DCUN1D4: variants seen among roughly 807,000 people sequenced by gnomAD.
DCUN1D4 encodes defective in cullin neddylation 1 domain containing 4.
In DCUN1D4, 22 loss-of-function variants were observed where a neutral mutation model predicts 47.9. That is an observed-to-expected ratio of 0.46 (90% confidence interval 0.33 to 0.66). The LOEUF (loss-of-function observed/expected upper bound fraction) is 0.66, where lower values mean the gene tolerates loss of function less well. Among genes scored for constraint, DCUN1D4 ranks in the 30% least tolerant of loss-of-function variants. The pLI, the probability that DCUN1D4 is intolerant of heterozygous loss-of-function variation, is 0.02. For synonymous variants in DCUN1D4, 121 were observed against 112.2 expected (o/e 1.08, Z -0.50); for missense variants, 301 against 340.8 (o/e 0.88, Z 0.92).
At chr4:51,858,212 A>T (rs1724448197) in intron 1 of DCUN1D4, among the ~76,000 whole-genome samples, 1 of 152,192 alleles carries the variant, frequency 6.6e-6, no homozygotes, top group Non-Finnish European at 1.5e-5. Flanking sequence ...GGAGTGATCA[A>T]ATCAGACTAA....
Position 51,868,269 on chromosome 4 carries a change from C to T in DCUN1D4, c.136+4560C>T, listed in dbSNP as rs543800779. Among the ~76,000 whole-genome samples the T allele has an allele frequency of 3.3e-5, 5 of 152,296 alleles. No individual in the cohort carries two copies. In the East Asian group the frequency reaches 7.7e-4, roughly 24 times the overall value. On this transcript the variant is annotated intron_variant, in intron 3 of 10. Transcript: ENST00000334635. ...CCTGGAAGGGCGAGACTCCTGCCCC[C>T]ACAGCTCAGAATGGGGTGGGGCTCC...
At chr4:51,909,401 A>G (rs1465665635) in intron 8 of DCUN1D4, 1 of 179,174 alleles carries the variant, frequency 5.6e-6, no homozygotes, top group Non-Finnish European at 1.2e-5. Context: ...TATCTTGTGG[A>G]TTGCTTCATA....
At chr4:51,864,980 C>T (rs1560468634) in intron 3 of DCUN1D4, 1 of 159,834 alleles carries the variant, frequency 6.3e-6, no homozygotes, top group Admixed American at 6.4e-5. Context: ...TTCTTTCAGA[C>T]TTTTTTTTCA....
At chr4:51,876,629 C>T (rs972888986) in intron 4 of DCUN1D4, among the ~76,000 whole-genome samples, 3 of 151,966 alleles carry the variant, frequency 2.0e-5, no homozygotes, top group Admixed American at 2.0e-4. Flanking sequence ...CTGCACAAGT[C>T]TACTTCTGTG....
At chr4:51,857,264 T>G (rs1724281279) in intron 1 of DCUN1D4, among the ~76,000 whole-genome samples, 2 of 152,170 alleles carry the variant, frequency 1.3e-5, no homozygotes, top group African/African-American at 4.8e-5. Context: ...TTTCTGCAAC[T>G]CCAGTGTACT....
the DCUN1D4 span, among the ~76,000 whole-genome samples, chr4:51,834,327 G>T: frequency 6.6e-6 from 1 of 151,438 alleles, no homozygotes; most frequent in Non-Finnish European, 1.5e-5. Context: ...TTCCCTTGGG[G>T]TCTATACTTC....
chr4:51,849,688 C>T (rs1180458166), intron 1 of DCUN1D4, among the ~76,000 whole-genome samples: 1 of 152,102 alleles, frequency 6.6e-6, no homozygotes, highest in Non-Finnish European at 1.5e-5. Flanking sequence ...CTAGCCCAGC[C>T]CACTGGGTCT....
At chr4:51,896,369 T>TC (rs1469680828) in intron 7 of DCUN1D4, among the ~76,000 whole-genome samples, 6 of 152,172 alleles carry the variant, frequency 3.9e-5, no homozygotes, top group Middle Eastern at 3.2e-3. Flanking sequence ...GGGGTAGTTA[T>TC]CTAAATGAGT....
At chr4:51,899,862 C>G (rs745694272) in intron 8 of DCUN1D4, among the ~76,000 whole-genome samples, 33 of 152,134 alleles carry the variant, frequency 2.2e-4, no homozygotes, top group Non-Finnish European at 1.0e-4. Context: ...TTTTTCTAAT[C>G]ATCGTTTTGA....
chr4:51,872,439 G>C (rs1727039825), intron 3 of DCUN1D4, among the ~76,000 whole-genome samples: 1 of 152,146 alleles, frequency 6.6e-6, no homozygotes, highest in Non-Finnish European at 1.5e-5. Flanking sequence ...AATCTGGCCT[G>C]CACTCCCACC....
At chr4:51,879,594 A>C (rs567533872) in intron 5 of DCUN1D4, among the ~76,000 whole-genome samples, 1 of 152,234 alleles carries the variant, frequency 6.6e-6, no homozygotes, top group Non-Finnish European at 1.5e-5. Context: ...GCGACAGAGC[A>C]AGACTCCGTC....
chr4:51,905,567 T>C (rs551593903), intron 8 of DCUN1D4, among the ~76,000 whole-genome samples: 2 of 152,316 alleles, frequency 1.3e-5, no homozygotes, highest in South Asian at 2.1e-4. Context: ...CCTTGCTTCC[T>C]TTTTAAAAAA....
intron 8 of DCUN1D4, among the ~76,000 whole-genome samples, chr4:51,904,561 C>A (rs1049849617): frequency 2.0e-5 from 3 of 152,168 alleles, no homozygotes; most frequent in African/African-American, 7.2e-5. Context: ...GTTTTGGGTT[C>A]CCCCTCCTTT....
chr4:51,854,322 T>G lies in DCUN1D4; in HGVS notation c.26-9115T>G, dbSNP rs577152255. On this transcript the variant is annotated intron_variant, in intron 1 of 10. Coordinates refer to ENST00000334635, the MANE Select transcript of DCUN1D4 (RefSeq NM_001040402.3). ...TGGTACATTTTATATTTCAGGTTAT[T>G]TGAGATGTACCTCATTTTTAAGGGA... 5.9e-5 allele frequency among the ~76,000 whole-genome samples: 9 copies of G among 152,334 alleles called. No homozygotes were observed. The East Asian group carries it at 1.7e-3, about 29-fold the overall frequency.
At chr4:51,851,117 A>T (rs1388610617) in intron 1 of DCUN1D4, among the ~76,000 whole-genome samples, 1 of 152,188 alleles carries the variant, frequency 6.6e-6, no homozygotes, top group Non-Finnish European at 1.5e-5. Flanking sequence ...TATAAGAAAG[A>T]ACAGAACCAA....
intron 3 of DCUN1D4, among the ~76,000 whole-genome samples, chr4:51,869,057 G>A (rs945239787): frequency 5.4e-5 from 8 of 148,546 alleles, no homozygotes; most frequent in Admixed American, 1.4e-4. Context: ...CCGGGGGGCC[G>A]AGGTTGCAGT....
At chr4:51,853,433 A>C (rs529636693) in intron 1 of DCUN1D4, among the ~76,000 whole-genome samples, 7 of 152,206 alleles carry the variant, frequency 4.6e-5, no homozygotes, top group African/African-American at 1.4e-4. Flanking sequence ...TTTGGTTTTT[A>C]CCCTGCTTTT....
intron 3 of DCUN1D4, 43 bp from the exon 4 acceptor site, chr4:51,874,228 T>G: frequency 7.4e-7 from 1 of 1,349,928 alleles, no homozygotes; most frequent in South Asian, 1.2e-5. Context: ...AGAGTTAGGA[T>G]GTAGCATACC....
rs1430704608 is a variant in DCUN1D4, at chr4:51,915,748, A to T, written c.*2164A>T. 1.3e-5 allele frequency: 2 copies of T among 152,576 alleles called. No individual in the cohort carries two copies. Among genetic ancestry groups the T allele is most frequent in the African/African-American group, 4.8e-5 (2 of 41,446 alleles). 9.5% of individuals were successfully genotyped at this position (152,576 alleles called of 1,614,324 possible). ...GCACAGTTAATTCTAAAATGAGAGGATTGTTACAGGAGGGAGATGTTACAG... is the reference window on the plus strand; with the variant it reads ...GCACAGTTAATTCTAAAATGAGAGGTTTGTTACAGGAGGGAGATGTTACAG... On this transcript the variant is annotated 3_prime_UTR_variant, in exon 11 of 11. Coordinates refer to ENST00000334635, the MANE Select transcript of DCUN1D4 (RefSeq NM_001040402.3).
Sources: gnomAD v4.1 joint callset for allele counts (sites outside exome capture counted in the v4.1 genomes callset) on GRCh38, gnomAD v4.1.1 for gene constraint, MANE v1.5 for transcripts, NCBI Gene and HGNC (gene_info 2026-07-23, HGNC 2026-07-21) for gene names.